Variants in FAF1 observed in about 807,000 individuals in gnomAD.
FAF1 encodes the protein Fas associated factor 1.
Under a neutral mutation model 92.5 loss-of-function variants are expected in FAF1, and 25 were observed. That is an observed-to-expected ratio of 0.27 (90% confidence interval 0.20 to 0.38). FAF1 has a LOEUF of 0.38. Among genes scored for constraint, FAF1 ranks in the 10% least tolerant of loss-of-function variants. The pLI, the probability that FAF1 is intolerant of heterozygous loss-of-function variation, is 1.00. For missense variants in FAF1, 636 were observed against 793.3 expected, an observed-to-expected ratio of 0.80 and a Z score of 2.38; for synonymous variants, 234 against 273.2, an observed-to-expected ratio of 0.86 and a Z score of 1.42.
intron 18 of FAF1, among the ~76,000 whole-genome samples, chr1:50,467,230 G>T (rs1445198586): frequency 6.6e-6 from 1 of 152,168 alleles, no homozygotes; most frequent in African/African-American, 2.4e-5. Flanking sequence ...CAGTGACCCA[G>T]AAATAGGAAT....
At chr1:50,633,808 C>T (rs61781023) in intron 8 of FAF1, among the ~76,000 whole-genome samples, 89 of 152,296 alleles carry the variant, frequency 5.8e-4, no homozygotes, top group South Asian at 3.1e-3. Context: ...GTCAAACCCC[C>T]GTGAGGTTTG....
chr1:50,869,605 T>A (rs1644510454), intron 1 of FAF1, among the ~76,000 whole-genome samples: 1 of 152,196 alleles, frequency 6.6e-6, no homozygotes, highest in Non-Finnish European at 1.5e-5. Context: ...TGCATCTCAT[T>A]CTAGCCTCCA....
chr1:50,955,939 A>G (rs1053244592), intron 1 of FAF1, among the ~76,000 whole-genome samples: 1 of 152,176 alleles, frequency 6.6e-6, no homozygotes, highest in African/African-American at 2.4e-5. Context: ...TTAATAGAAG[A>G]GTCGAATTCA....
intron 7 of FAF1, among the ~76,000 whole-genome samples, chr1:50,688,447 C>G (rs1656768778): frequency 6.6e-6 from 1 of 152,174 alleles, no homozygotes; most frequent in Non-Finnish European, 1.5e-5. Context: ...ACCCAATGGT[C>G]TATCAGTGTG....
intron 12 of FAF1, among the ~76,000 whole-genome samples, chr1:50,577,614 T>C (rs1572845986): frequency 6.6e-6 from 1 of 152,222 alleles, no homozygotes; most frequent in African/African-American, 2.4e-5. Flanking sequence ...TTTGCTTCTA[T>C]GGTATATTAT....
At chr1:50,620,302 A>G (rs1569598035) in intron 8 of FAF1, among the ~76,000 whole-genome samples, 2 of 152,328 alleles carry the variant, frequency 1.3e-5, no homozygotes, top group Admixed American at 6.5e-5. Flanking sequence ...GTTGATTTGA[A>G]GAACCAGTCT....
intron 12 of FAF1, among the ~76,000 whole-genome samples, chr1:50,574,052 G>C (rs530612534): frequency 6.6e-6 from 1 of 152,234 alleles, no homozygotes; most frequent in South Asian, 2.1e-4. Context: ...CTTGAAACTG[G>C]GAGGCAGAGG....
intron 8 of FAF1, among the ~76,000 whole-genome samples, chr1:50,652,049 C>A (rs1011089984): frequency 6.6e-6 from 1 of 152,170 alleles, no homozygotes; most frequent in African/African-American, 2.4e-5. Flanking sequence ...CAAGGCAACA[C>A]CCTGCCAATG....
chr1:50,906,873 A>C lies in FAF1; in HGVS notation c.46-48876T>G, dbSNP rs181960543. On this transcript the variant is annotated intron_variant, in intron 1 of 18. Coordinates refer to ENST00000396153, the MANE Select transcript of FAF1 (RefSeq NM_007051.3). ...TTTCTTAATTGAATCCCCTTTCTTT[A>C]TTTCTCCTGCCTGGTTGCCCTGGCC... Among the ~76,000 whole-genome samples, 89 of 152,100 alleles carry C rather than the reference A, an allele frequency of 5.9e-4. 1 individual carries two copies. The highest frequency in any genetic ancestry group is 1.0e-3 in the Non-Finnish European group (70 of 67,962).
intron 7 of FAF1, among the ~76,000 whole-genome samples, chr1:50,694,569 C>T (rs1394019502): frequency 2.0e-5 from 3 of 149,780 alleles, no homozygotes; most frequent in African/African-American, 4.9e-5. Flanking sequence ...AAAAAAAAAC[C>T]CACAAAGGTC....
At chr1:50,570,397 G>A (rs1014194700) in intron 12 of FAF1, among the ~76,000 whole-genome samples, 4 of 152,064 alleles carry the variant, frequency 2.6e-5, no homozygotes, top group Admixed American at 6.6e-5. Flanking sequence ...CTGCTTTGTG[G>A]TAAGCGACTG....
intron 15 of FAF1, among the ~76,000 whole-genome samples, chr1:50,506,231 T>C (rs1364316369): frequency 6.6e-6 from 1 of 152,208 alleles, no homozygotes. Context: ...AACCACTTGG[T>C]ATTTCAGCTT....
At chr1:50,812,428 CT>C (rs1350010520) in intron 2 of FAF1, among the ~76,000 whole-genome samples, 1 of 152,120 alleles carries the variant, frequency 6.6e-6, no homozygotes, top group Non-Finnish European at 1.5e-5. Flanking sequence ...TGATCAAACA[CT>C]TTTCAAAAGA....
At chr1:50,644,724 T>C (rs529248122) in intron 8 of FAF1, among the ~76,000 whole-genome samples, 1 of 152,340 alleles carries the variant, frequency 6.6e-6, no homozygotes, top group African/African-American at 2.4e-5. Flanking sequence ...CTGAAAACAG[T>C]TGTTTCATGT....
chr1:50,482,722 T>A (rs976085678), intron 17 of FAF1, among the ~76,000 whole-genome samples: 4 of 152,204 alleles, frequency 2.6e-5, no homozygotes, highest in Admixed American at 2.6e-4. Context: ...GTACATATAT[T>A]GTGGTTTTAA....
chr1:50,544,496 A>C (rs1648913812), intron 13 of FAF1, among the ~76,000 whole-genome samples: 1 of 152,212 alleles, frequency 6.6e-6, no homozygotes, highest in Non-Finnish European at 1.5e-5. Context: ...CTTTCTGGAC[A>C]CAGGACTCTC....
intron 6 of FAF1, among the ~76,000 whole-genome samples, chr1:50,709,708 G>A (rs1207812339): frequency 6.6e-6 from 1 of 152,130 alleles, no homozygotes. Flanking sequence ...GGCTGCTTGG[G>A]CGATACAAGG....
At chr1:50,915,784 T>C (rs765280502) in intron 1 of FAF1, among the ~76,000 whole-genome samples, 13 of 152,112 alleles carry the variant, frequency 8.5e-5, no homozygotes, top group Non-Finnish European at 1.3e-4. Context: ...ATTAGTCCCA[T>C]AGGAGGATAA....
At chr1:50,686,454 A>G (rs1375067247) in intron 7 of FAF1, among the ~76,000 whole-genome samples, 1 of 152,058 alleles carries the variant, frequency 6.6e-6, no homozygotes, top group Non-Finnish European at 1.5e-5. Context: ...GGGCAGGAGA[A>G]TCACTTGAAC....
Sources: gnomAD v4.1 joint callset for allele counts (sites outside exome capture counted in the v4.1 genomes callset) on GRCh38, gnomAD v4.1.1 for gene constraint, MANE v1.5 for transcripts, NCBI Gene and HGNC (gene_info 2026-07-23, HGNC 2026-07-21) for gene names.